TMCO1: variants seen among roughly 807,000 people sequenced by gnomAD.
TMCO1 encodes calcium load-activated calcium channel.
TMCO1 carries 29 observed loss-of-function variants against 29.3 expected under a neutral mutation model. The ratio of observed to expected loss-of-function variants is 0.99; its 90% CI spans 0.74 to 1.35. TMCO1 has a LOEUF of 1.35. Among genes scored for constraint, TMCO1 ranks in the 40% most tolerant of loss-of-function variants. The pLI, the probability that TMCO1 is intolerant of heterozygous loss-of-function variation, is 0.00. For missense variants in TMCO1, 173 were observed against 225.5 expected (o/e 0.77, Z 1.49); for synonymous variants, 80 against 77.1 (o/e 1.04, Z -0.20).
rs1438920848 is a variant in TMCO1 at position 165,728,139 on chromosome 1, T to G, written c.469-18A>C. 1.3e-6 allele frequency: 2 copies of G among 1,595,232 alleles called. No individual in the cohort carries two copies. Among genetic ancestry groups the G allele is most frequent in the Non-Finnish European group, 1.7e-6 (2 of 1,166,018 alleles). On this transcript the variant is annotated intron_variant, in intron 6 of 6. Coordinates refer to ENST00000367881, the MANE Select transcript of TMCO1 (RefSeq NM_019026.6). Reference sequence around the variant, plus strand: ...TGAATGTTCTGTGAAGAAAGCACAGTAAGGATTGGGTTTTAATATCAAATA... The same window carrying G: ...TGAATGTTCTGTGAAGAAAGCACAGGAAGGATTGGGTTTTAATATCAAATA...
Position 165,735,569 on chromosome 1 carries a change from C to T in TMCO1, c.469-7448G>A, listed in dbSNP as rs536833552. Reference sequence around the variant, plus strand: ...TTGCCCTGTCACCCAGGCTGGAATGCGGTGGCGCAGTCTCAGCTCACTGCA... The same window carrying T: ...TTGCCCTGTCACCCAGGCTGGAATGTGGTGGCGCAGTCTCAGCTCACTGCA... On this transcript the variant is annotated intron_variant, in intron 6 of 6. Transcript: ENST00000367881. 5.4e-5 allele frequency among the ~76,000 whole-genome samples: 8 copies of T among 147,506 alleles called. No individual in the cohort carries two copies. In the South Asian group the frequency reaches 1.5e-3, roughly 27 times the overall value.
intron 6 of TMCO1, among the ~76,000 whole-genome samples, chr1:165,740,034 C>T (rs1651530841): frequency 6.6e-6 from 1 of 151,654 alleles, no homozygotes; most frequent in Non-Finnish European, 1.5e-5. Context: ...ATCACTTGAA[C>T]CAGGGAGGCG....
At chr1:165,750,553 G>GA (rs60005937) in intron 5 of TMCO1, among the ~76,000 whole-genome samples, 84 of 101,966 alleles carry the variant, frequency 8.2e-4, no homozygotes, top group South Asian at 1.0e-3. Context: ...AAAAAAAAAA[G>GA]AAAAAAAAAA....
intron 5 of TMCO1, among the ~76,000 whole-genome samples, chr1:165,751,027 G>A (rs1029857708): frequency 6.6e-6 from 1 of 152,086 alleles, no homozygotes; most frequent in Non-Finnish European, 1.5e-5. Context: ...CTGAGATCGC[G>A]CCACTGCACT....
Position 165,743,319 on chromosome 1 carries a change from A to C in TMCO1, c.324-8T>G, listed in dbSNP as rs75360203. ...ACCACTCTACCATCAAATCTAAAAG[A>C]AAAAAAAAAAAAAAGAATTGTTATC... On this transcript the variant is annotated splice_polypyrimidine_tract_variant and splice_region_variant and intron_variant, in intron 5 of 6. Coordinates refer to ENST00000367881, the MANE Select transcript of TMCO1 (RefSeq NM_019026.6). 2.4e-6 allele frequency: 1 copy of C among 420,464 alleles called. No homozygotes were observed. Among genetic ancestry groups the C allele is most frequent in the Non-Finnish European group, 3.8e-6 (1 of 266,640 alleles). 26.0% of individuals were successfully genotyped at this position (420,464 alleles called of 1,614,324 possible). A position where few individuals can be genotyped will look rare whatever the true frequency, so the allele number is the denominator to read the frequency against.
At chr1:165,724,867 G>A (rs2101778086), downstream of TMCO1, 3 of 453,670 alleles carry the variant, frequency 6.6e-6, no homozygotes, top group South Asian at 4.7e-5. Context: ...GATAAGATTT[G>A]CTTCAAAATA....
chr1:165,758,185 T>G (rs1198140928), intron 3 of TMCO1, among the ~76,000 whole-genome samples: 3 of 152,150 alleles, frequency 2.0e-5, no homozygotes, highest in Non-Finnish European at 4.4e-5. Context: ...TCAACTTCTG[T>G]GACACTACTA....
chr1:165,761,272 A>G (rs1489346955), intron 2 of TMCO1, among the ~76,000 whole-genome samples: 1 of 152,052 alleles, frequency 6.6e-6, no homozygotes, highest in African/African-American at 2.4e-5. Flanking sequence ...TGGTGGCTCA[A>G]ACCTGTAATC....
At chr1:165,759,722 A>G (rs1392186582) in intron 2 of TMCO1, 138 bp from the exon 3 acceptor site, 1 of 693,990 alleles carries the variant, frequency 1.4e-6, no homozygotes, top group East Asian at 2.7e-5. Context: ...GATTAAGTTA[A>G]CTGGTCCACT....
chr1:165,740,837 C>A (rs1571216066), intron 6 of TMCO1, among the ~76,000 whole-genome samples: 1 of 152,196 alleles, frequency 6.6e-6, no homozygotes, highest in African/African-American at 2.4e-5. Flanking sequence ...TGATGTCCTC[C>A]ACCATCTTAT....
At chr1:165,761,363 T>G (rs2101815079) in intron 2 of TMCO1, among the ~76,000 whole-genome samples, 1 of 151,978 alleles carries the variant, frequency 6.6e-6, no homozygotes, top group Middle Eastern at 3.4e-3. Context: ...GGCAAGACTC[T>G]GTCTCTATAA....
intron 4 of TMCO1, among the ~76,000 whole-genome samples, chr1:165,754,012 G>A (rs1297540224): frequency 6.6e-6 from 1 of 152,096 alleles, no homozygotes; most frequent in African/African-American, 2.4e-5. Flanking sequence ...TATGACCTCT[G>A]AGACAGTCTA....
At chr1:165,735,778 A>G (rs1651350791) in intron 6 of TMCO1, among the ~76,000 whole-genome samples, 1 of 152,036 alleles carries the variant, frequency 6.6e-6, no homozygotes, top group African/African-American at 2.4e-5. Flanking sequence ...GCCTCCCAAA[A>G]TGCTGGGATT....
intron 6 of TMCO1, among the ~76,000 whole-genome samples, chr1:165,732,388 CAAAA>C (rs34558487): frequency 3.3e-5 from 3 of 89,728 alleles, no homozygotes; most frequent in Non-Finnish European, 4.5e-5. Flanking sequence ...CATAAAGAAG[CAAAA>C]AAAAAAAAAA....
intron 5 of TMCO1, among the ~76,000 whole-genome samples, chr1:165,747,343 TTACTTA>T (rs1651838350): frequency 7.8e-6 from 1 of 127,838 alleles, no homozygotes; most frequent in South Asian, 2.2e-4. Context: ...ATATGAAATA[TTACTTA>T]TACTTATTTG....
intron 6 of TMCO1, among the ~76,000 whole-genome samples, chr1:165,742,401 T>C (rs1364557911): frequency 1.3e-5 from 2 of 152,166 alleles, no homozygotes; most frequent in Non-Finnish European, 2.9e-5. Flanking sequence ...TAGCTGGGAC[T>C]ACAGGCACAT....
At chr1:165,752,230 T>C in intron 4 of TMCO1, 61 bp from the exon 5 acceptor site, 4 of 1,003,320 alleles carry the variant, frequency 4.0e-6, no homozygotes, top group Non-Finnish European at 6.1e-6. Context: ...AAAGCATATC[T>C]CAAAAGTTTT....
At chr1:165,757,490 T>G (rs571095444) in intron 3 of TMCO1, among the ~76,000 whole-genome samples, 3 of 152,292 alleles carry the variant, frequency 2.0e-5, no homozygotes, top group African/African-American at 7.2e-5. Flanking sequence ...TAAGCAACTC[T>G]TCATAAATAC....
intron 3 of TMCO1, among the ~76,000 whole-genome samples, chr1:165,755,705 AT>A (rs1372627102): frequency 6.6e-6 from 1 of 152,190 alleles, no homozygotes; most frequent in Non-Finnish European, 1.5e-5. Flanking sequence ...AGAGATACTT[AT>A]CCCACTCAGA....
Sources: gnomAD v4.1 joint callset for allele counts (sites outside exome capture counted in the v4.1 genomes callset) on GRCh38, gnomAD v4.1.1 for gene constraint, MANE v1.5 for transcripts, NCBI Gene and HGNC (gene_info 2026-07-23, HGNC 2026-07-21) for gene names.